The following CSMD1 variants were observed in gnomAD, a reference collection of about 807,000 sequenced individuals.
CSMD1 encodes the protein CUB and Sushi multiple domains 1, also known as CUB and sushi domain-containing protein 1.
CSMD1 carries 213 observed loss-of-function variants against 417.5 expected under a neutral mutation model. The observed-to-expected ratio is 0.51, with a 90% CI of 0.46 to 0.57. CSMD1 has a LOEUF of 0.57. CSMD1 is among the 20% of genes least tolerant of loss of function. The probability of loss-of-function intolerance (pLI) is 0.00; values close to 1 mark genes in which losing one functional copy is unlikely to be tolerated. For synonymous variants in CSMD1, 2,862 were observed against 1,736.8 expected, an observed-to-expected ratio of 1.65 and a Z score of -16.11; for missense variants, 6,923 against 4,529.7, an observed-to-expected ratio of 1.53 and a Z score of -15.17.
intron 1 of CSMD1, among the ~76,000 whole-genome samples, chr8:4,846,877 T>C (rs190718549): frequency 6.6e-6 from 1 of 152,284 alleles, no homozygotes; most frequent in African/African-American, 2.4e-5. Context: ...ATTCTTGAAA[T>C]AGAATAATAG....
intron 2 of CSMD1, among the ~76,000 whole-genome samples, chr8:4,548,739 G>C (rs1053720156): frequency 4.6e-5 from 7 of 151,974 alleles, no homozygotes; most frequent in Non-Finnish European, 7.4e-5. Context: ...GGTAATTACA[G>C]AACCGCTTTG....
At chr8:3,746,174 C>T (rs1035103962) in intron 6 of CSMD1, among the ~76,000 whole-genome samples, 6 of 152,280 alleles carry the variant, frequency 3.9e-5, no homozygotes, top group African/African-American at 1.2e-4. Context: ...AGGGCTGATA[C>T]GCTGAAAAGA....
At chr8:3,161,579 T>C (rs1819895285) in intron 38 of CSMD1, among the ~76,000 whole-genome samples, 2 of 137,818 alleles carry the variant, frequency 1.5e-5, no homozygotes, top group East Asian at 2.2e-4. Context: ...ATCAAGATCA[T>C]GCCGCTGCAC....
chr8:3,287,038 A>C (rs1271177500), intron 25 of CSMD1, among the ~76,000 whole-genome samples: 2 of 152,136 alleles, frequency 1.3e-5, no homozygotes, highest in African/African-American at 4.8e-5. Flanking sequence ...AGCTTTCTAC[A>C]TATGGCTAGC....
intron 4 of CSMD1, among the ~76,000 whole-genome samples, chr8:4,014,509 C>T (rs1163173592): frequency 6.6e-6 from 1 of 152,170 alleles, no homozygotes; most frequent in Non-Finnish European, 1.5e-5. Flanking sequence ...TCTGTTCCCC[C>T]TTACTCTTCA....
intron 19 of CSMD1, 45 bp downstream of exon 19, chr8:3,369,209 C>T: frequency 1.1e-6 from 1 of 933,632 alleles, no homozygotes; most frequent in Non-Finnish European, 1.7e-6. Context: ...GTTTTTCTGT[C>T]TCATTTATTA....
chr8:3,701,744 T>C (rs1195149874), intron 7 of CSMD1, among the ~76,000 whole-genome samples: 2 of 152,152 alleles, frequency 1.3e-5, no homozygotes, highest in Non-Finnish European at 2.9e-5. Flanking sequence ...TATAATTACA[T>C]CATTAAGTAT....
At chr8:4,499,289 A>T (rs552691017) in intron 2 of CSMD1, among the ~76,000 whole-genome samples, 1 of 152,324 alleles carries the variant, frequency 6.6e-6, no homozygotes, top group South Asian at 2.1e-4. Context: ...CAGGTAAAAG[A>T]CGTCATGAAA....
At chr8:3,713,980 T>C (rs1285334231) in intron 6 of CSMD1, among the ~76,000 whole-genome samples, 1 of 152,034 alleles carries the variant, frequency 6.6e-6, no homozygotes, top group Non-Finnish European at 1.5e-5. Flanking sequence ...GTAGCAATAA[T>C]ATTGAAATCT....
rs1319847987 is a variant in CSMD1, at chr8:3,407,977, T to C, written c.1993A>G (p.Ser665Gly). ...TCCAAGCGAACTATATGCCCACTGC[T>C]GGCCAGCTGGGAAGGCACTTCATTG... ...SGNEVPSQLASSGHIVRLEFQ... is the reference protein window; with the variant it reads ...SGNEVPSQLAGSGHIVRLEFQ... Residue 665 changes from serine (S) to glycine (G), a missense_variant, in exon 14 of 70, where the codon AGC becomes GGC. Coordinates refer to ENST00000635120, the MANE Select transcript of CSMD1 (RefSeq NM_033225.6). 1 of 1,613,922 alleles carries C rather than the reference T, an allele frequency of 6.2e-7. No homozygotes were observed. Among genetic ancestry groups the C allele is most frequent in the East Asian group, 2.2e-5 (1 of 44,876 alleles).
chr8:3,434,668 T>A (rs1003625593), intron 12 of CSMD1, among the ~76,000 whole-genome samples: 13 of 152,174 alleles, frequency 8.5e-5, no homozygotes, highest in Non-Finnish European at 1.8e-4. Flanking sequence ...TCTCCACCTT[T>A]TCTCCATATC....
chr8:3,506,411 AGAG>A (rs2117370954), intron 10 of CSMD1, among the ~76,000 whole-genome samples: 2 of 152,294 alleles, frequency 1.3e-5, no homozygotes, highest in African/African-American at 4.8e-5. Context: ...ACATGTGTAG[AGAG>A]GAGAAGGTGC....
At chr8:4,000,723 T>C (rs916090796) in intron 4 of CSMD1, among the ~76,000 whole-genome samples, 7 of 152,174 alleles carry the variant, frequency 4.6e-5, no homozygotes, top group African/African-American at 1.7e-4. Flanking sequence ...GTAATAATTG[T>C]TTTTCATGTA....
chr8:3,138,007 C>T (rs566916916), intron 41 of CSMD1, among the ~76,000 whole-genome samples: 10 of 152,290 alleles, frequency 6.6e-5, no homozygotes, highest in African/African-American at 2.4e-4. Context: ...GGCAAATGAC[C>T]TGAGGTCAGG....
intron 52 of CSMD1, among the ~76,000 whole-genome samples, chr8:3,009,053 G>A (rs1808183974): frequency 6.6e-6 from 1 of 152,210 alleles, no homozygotes; most frequent in Non-Finnish European, 1.5e-5. Flanking sequence ...ATACCAGTGG[G>A]AATGTTGCCA....
intron 5 of CSMD1, among the ~76,000 whole-genome samples, chr8:3,982,987 C>T (rs1813999470): frequency 6.6e-6 from 1 of 152,030 alleles, no homozygotes; most frequent in Admixed American, 6.6e-5. Flanking sequence ...AATAGGGCCC[C>T]TAGAGCTAGT....
chr8:3,580,497 G>A (rs953873823), intron 9 of CSMD1, among the ~76,000 whole-genome samples: 1 of 152,122 alleles, frequency 6.6e-6, no homozygotes, highest in African/African-American at 2.4e-5. Context: ...CCAACTTAAG[G>A]TTAGCTTTCA....
intron 2 of CSMD1, among the ~76,000 whole-genome samples, chr8:4,586,789 T>C (rs59942029): frequency 0.04 from 6,155 of 152,274 alleles, 404 homozygotes; most frequent in African/African-American, 0.14. Context: ...TCCTCCAGGA[T>C]GATACTGGGC....
intron 3 of CSMD1, among the ~76,000 whole-genome samples, chr8:4,374,991 G>A (rs1310513316): frequency 6.7e-5 from 10 of 149,058 alleles, no homozygotes; most frequent in South Asian, 2.1e-4. Context: ...GGGGGTACGG[G>A]CAAGGAGCAA....
Sources: gnomAD v4.1 joint callset for allele counts (sites outside exome capture counted in the v4.1 genomes callset) on GRCh38, gnomAD v4.1.1 for gene constraint, MANE v1.5 for transcripts, NCBI Gene and HGNC (gene_info 2026-07-23, HGNC 2026-07-21) for gene names.